Variants in SNX31 observed in about 807,000 individuals in gnomAD.
The protein encoded by SNX31 is sorting nexin 31.
In SNX31, 58 loss-of-function variants were observed where a neutral mutation model predicts 65.4. That is an observed-to-expected ratio of 0.89 (90% CI 0.72 to 1.10). The LOEUF (loss-of-function observed/expected upper bound fraction) is 1.10. Among genes scored for constraint, SNX31 ranks in the 50% least tolerant of loss-of-function variants. The probability of loss-of-function intolerance (pLI) is 0.00; values close to 1 mark genes in which losing one functional copy is unlikely to be tolerated. For missense variants in SNX31, 523 were observed against 529.7 expected (o/e 0.99, Z 0.12); for synonymous variants, 181 against 190.1 (o/e 0.95, Z 0.39).
chr8:100,654,157 C>T (rs747652538), upstream of SNX31, among the ~76,000 whole-genome samples: 2 of 152,076 alleles, frequency 1.3e-5, no homozygotes, highest in Admixed American at 6.6e-5. Context: ...CAGGGGTGCA[C>T]CATCACACCC....
chr8:100,639,748 A>AG (rs1180568154), intron 2 of SNX31, among the ~76,000 whole-genome samples: 7 of 152,234 alleles, frequency 4.6e-5, no homozygotes, highest in Non-Finnish European at 8.8e-5. Flanking sequence ...AACAATGAAC[A>AG]TATCTAGTGC....
chr8:100,657,932 A>C (rs1359661943), intron 1 of SNX31: 7 of 362,968 alleles, frequency 1.9e-5, no homozygotes, highest in Non-Finnish European at 3.8e-5. Flanking sequence ...ACAACTAAAA[A>C]AATTGGTCAC....
At chr8:100,657,677 T>C (rs1820073766) in intron 1 of SNX31, 1 of 455,350 alleles carries the variant, frequency 2.2e-6, no homozygotes, top group African/African-American at 2.0e-5. Context: ...AAGATGGGGA[T>C]TGGGAATACA....
rs60157497 is a variant in SNX31, at chr8:100,612,530, C to G, written c.524-443G>C. ...ATCTAGAAACATACTGTAGAGAAAA[C>G]AAAAGATAGGAGAATCAGACTGTCT... On this transcript the variant is annotated intron_variant, in intron 6 of 13. Coordinates refer to ENST00000311812, the MANE Select transcript of SNX31 (RefSeq NM_152628.4). This position sits in a 1 kb window ranked among gnomAD's most constrained non-coding sequence, Gnocchi z 4.3. Among the ~76,000 whole-genome samples the G allele has an allele frequency of 0.05, 7,616 of 151,362 alleles. 663 individuals are homozygous for G. Among genetic ancestry groups the G allele is most frequent in the African/African-American group, 0.17 (7,059 of 41,278 alleles).
In SNX31 at chr8:100,588,115, TA is replaced by T. The variant is rs35658911; in HGVS notation, c.1092+750del. On this transcript the variant is annotated intron_variant, in intron 11 of 13. Coordinates refer to ENST00000311812, the MANE Select transcript of SNX31 (RefSeq NM_152628.4). This position sits in a 1 kb window ranked among gnomAD's most constrained non-coding sequence, Gnocchi z 4.8. ...GTACTACAGGAAAAAGGTGAAACAT[TA>T]AAAAAAAACATAAAAAAGGTACAGT... Among the ~76,000 whole-genome samples the T allele has an allele frequency of 3.3e-5, 5 of 150,850 alleles. No homozygotes were observed. Among genetic ancestry groups the T allele is most frequent in the African/African-American group, 4.9e-5 (2 of 41,092 alleles).
At chr8:100,662,718 A>G (rs540090403) in intron 1 of SNX31, among the ~76,000 whole-genome samples, 110 of 152,192 alleles carry the variant, frequency 7.2e-4, no homozygotes, top group African/African-American at 2.6e-3. Flanking sequence ...ATAAAAATAA[A>G]TAACTGCCAT....
In SNX31 at chr8:100,608,553, G is replaced by A; in HGVS notation, c.622C>T (p.Pro208Ser). ...KVGLRKWYMA[P>S]SLDSVLMDCR... ...TCCATCAGCACGGAGTCGAGGGATG[G>A]AGCCATATACCTGCAAAATTCAGGA... Residue 208 changes from proline to serine, a missense_variant, in exon 8 of 14, where the codon CCA (proline) becomes TCA (serine). Pro to Ser is a moderately conservative substitution (Grantham distance 74). Coordinates refer to ENST00000311812, the MANE Select transcript of SNX31 (RefSeq NM_152628.4). 1 of 1,613,930 alleles carries A rather than the reference G, an allele frequency of 6.2e-7. No individual in the cohort carries two copies.
chr8:100,595,932 G>T (rs1385888635), intron 10 of SNX31, among the ~76,000 whole-genome samples: 1 of 152,162 alleles, frequency 6.6e-6, no homozygotes, highest in Non-Finnish European at 1.5e-5. Context: ...TACAAAAGTA[G>T]GGGAGAAAGG....
chr8:100,636,020 T>C lies in SNX31; in HGVS notation c.142-9A>G. The C allele has an allele frequency of 6.2e-7, 1 of 1,608,068 alleles. No homozygotes were observed. Among genetic ancestry groups the C allele is most frequent in the Non-Finnish European group, 8.5e-7 (1 of 1,174,538 alleles). On this transcript the variant is annotated splice_polypyrimidine_tract_variant and intron_variant, in intron 2 of 13. Transcript: ENST00000311812. ...CCAAAGACCCGCCTTAGCTGAAAGA[T>C]CCAGGAAACACAGTTAAGGCAGGTG...
intron 12 of SNX31, among the ~76,000 whole-genome samples, chr8:100,581,319 C>CTATATATATATATATATATA (rs1261112864): frequency 6.5e-5 from 8 of 123,054 alleles, no homozygotes; most frequent in African/African-American, 2.7e-4. Context: ...TTTTATATAT[C>CTATATATATATATATATATA]TATATCTATC....
chr8:100,608,014 G>A (rs1257074074), intron 8 of SNX31, among the ~76,000 whole-genome samples: 3 of 152,306 alleles, frequency 2.0e-5, no homozygotes, highest in South Asian at 2.1e-4. Context: ...TAAGGATCAC[G>A]TGTGACTTTA....
In SNX31 at chr8:100,608,508, A is replaced by G; in HGVS notation, c.667T>C (p.Leu223=). 6.2e-7 allele frequency: 1 copy of G among 1,614,058 alleles called. No homozygotes were observed. Among genetic ancestry groups the G allele is most frequent in the Admixed American group, 1.7e-5 (1 of 60,010 alleles). Residue 223 remains leucine (L), a synonymous_variant, in exon 8 of 14, where the codon TTG becomes CTG. Coordinates refer to ENST00000311812, the MANE Select transcript of SNX31 (RefSeq NM_152628.4). ...GTGACCCTCACCTGCATGTAGAGCAAATCTACCGCCACCCTGCAGTCCATC... is the reference window on the plus strand; with the variant it reads ...GTGACCCTCACCTGCATGTAGAGCAGATCTACCGCCACCCTGCAGTCCATC... ...VLMDCRVAVD[L]LYMQAIQDIE...
intron 5 of SNX31, among the ~76,000 whole-genome samples, chr8:100,616,331 C>T (rs1817198499): frequency 6.6e-6 from 1 of 152,166 alleles, no homozygotes. Context: ...ATGATGATGT[C>T]TTTGGGGAAG....
At chr8:100,582,352 T>C (rs535036917) in intron 12 of SNX31, 2 of 152,366 alleles carry the variant, frequency 1.3e-5, no homozygotes, top group Non-Finnish European at 2.9e-5. Flanking sequence ...ATTACTTTTC[T>C]CTTTCTTCTT....
chr8:100,582,370 C>T (rs1345555808), intron 12 of SNX31: 1 of 152,132 alleles, frequency 6.6e-6, no homozygotes, highest in African/African-American at 2.4e-5. Flanking sequence ...CTTTTTAATA[C>T]ATACAATAAT....
intron 4 of SNX31, among the ~76,000 whole-genome samples, chr8:100,620,561 A>C (rs1170981674): frequency 6.6e-6 from 1 of 152,232 alleles, no homozygotes; most frequent in Non-Finnish European, 1.5e-5. Context: ...GATTAGTCCA[A>C]AAAAAGCACT....
intron 12 of SNX31, among the ~76,000 whole-genome samples, chr8:100,580,639 G>C (rs1034428813): frequency 6.6e-6 from 1 of 152,174 alleles, no homozygotes; most frequent in Admixed American, 6.5e-5. Flanking sequence ...AATGATTGGT[G>C]TTCTGGCAGC....
At position 100,625,871 on chromosome 8, in the gene SNX31, AAGC is replaced by A. The variant is rs1818010164; in HGVS notation, c.321+4453_321+4455del. Among the ~76,000 whole-genome samples the A allele has an allele frequency of 6.6e-6, 1 of 152,188 alleles. No individual in the cohort carries two copies. Among genetic ancestry groups the A allele is most frequent in the Non-Finnish European group, 1.5e-5 (1 of 68,040 alleles). On this transcript the variant is annotated intron_variant, in intron 4 of 13. Coordinates refer to ENST00000311812, the MANE Select transcript of SNX31 (RefSeq NM_152628.4). This position sits in a 1 kb window ranked among gnomAD's most constrained non-coding sequence, Gnocchi z 4.2. ...TGTACAGACACTCCATCTTTGCAAA[AAGC>A]AATCTCTCAGCATGGCTGGGGAAAG...
At chr8:100,653,995 T>G (rs1023344917), upstream of SNX31, among the ~76,000 whole-genome samples, 1 of 152,078 alleles carries the variant, frequency 6.6e-6, no homozygotes, top group Non-Finnish European at 1.5e-5. Context: ...CATCTGAACT[T>G]GGTGGGTTTT....
Sources: gnomAD v4.1 joint callset for allele counts (sites outside exome capture counted in the v4.1 genomes callset) on GRCh38, gnomAD v4.1.1 for gene constraint, Gnocchi (gnomAD v3.1) non-coding constraint, MANE v1.5 for transcripts, NCBI Gene and HGNC (gene_info 2026-07-23, HGNC 2026-07-21) for gene names.